RSPH9: variants seen among roughly 807,000 people sequenced by gnomAD.
RSPH9 encodes radial spoke head component 9, also known as radial spoke head protein 9 homolog.
In RSPH9, 27 loss-of-function variants were observed where a neutral mutation model predicts 27.0. The ratio of observed to expected loss-of-function variants is 1.00; its 90% CI spans 0.74 to 1.38. The LOEUF (loss-of-function observed/expected upper bound fraction) is 1.38. RSPH9 is among the 40% of genes most tolerant of loss of function. The pLI is 0.00. For missense variants in RSPH9, 347 were observed against 357.4 expected (o/e 0.97, Z 0.24); for synonymous variants, 145 against 147.7 (o/e 0.98, Z 0.13).
At chr6:43,653,788 A>G (rs9462915) in intron 2 of RSPH9, among the ~76,000 whole-genome samples, 9,239 of 151,994 alleles carry the variant, frequency 0.061, 957 homozygotes, top group African/African-American at 0.21. Context: ...CGCCTCCCGG[A>G]TTCAAGTGAT....
At chr6:43,665,532 G>A (rs1037067740) in intron 4 of RSPH9, among the ~76,000 whole-genome samples, 17 of 152,238 alleles carry the variant, frequency 1.1e-4, no homozygotes, top group African/African-American at 3.6e-4. Context: ...TATGGGAGGT[G>A]TGGCATCTGG....
intron 2 of RSPH9, among the ~76,000 whole-genome samples, chr6:43,654,986 C>T (rs1771857237): frequency 6.6e-6 from 1 of 152,218 alleles, no homozygotes; most frequent in East Asian, 1.9e-4. Context: ...GCCCTCCAGC[C>T]TGGATGATAG....
chr6:43,662,188 A>C (rs2127921741), intron 4 of RSPH9, among the ~76,000 whole-genome samples: 1 of 152,088 alleles, frequency 6.6e-6, no homozygotes, highest in South Asian at 2.1e-4. Flanking sequence ...CAATGAACTA[A>C]CCTTTGTTAG....
chr6:43,661,197 C>A (rs1406501460), intron 4 of RSPH9, among the ~76,000 whole-genome samples: 1 of 152,176 alleles, frequency 6.6e-6, no homozygotes, highest in African/African-American at 2.4e-5. Flanking sequence ...ATCTATAGAG[C>A]ACAGGCAGAG....
chr6:43,655,483 A>G, intron 2 of RSPH9, 79 bp from the exon 3 acceptor site: 1 of 1,542,524 alleles, frequency 6.5e-7, no homozygotes. Flanking sequence ...TGCGGGTGAG[A>G]TGGCCGTGCA....
chr6:43,671,152 GACA>G lies in RSPH9; in HGVS notation c.*206_*208del, dbSNP rs1218157317. 7 of 633,470 alleles carry G rather than the reference GACA, an allele frequency of 1.1e-5. No individual in the cohort carries two copies. Among genetic ancestry groups the G allele is most frequent in the Admixed American group, 2.8e-5 (1 of 35,572 alleles). 39.2% of individuals were successfully genotyped at this position (633,470 alleles called of 1,614,324 possible). A position where few individuals can be genotyped will look rare whatever the true frequency, so the allele number is the denominator to read the frequency against. ...GAATGTGCTAATGAAAGAGATTCTA[GACA>G]ACGATGGGTGGAAATGGCTGTGGGA... On this transcript the variant is annotated 3_prime_UTR_variant, in exon 5 of 5. Transcript: ENST00000372163.
chr6:43,651,988 A>C (rs1262426212), intron 2 of RSPH9, among the ~76,000 whole-genome samples: 2 of 152,046 alleles, frequency 1.3e-5, no homozygotes, highest in Non-Finnish European at 2.9e-5. Flanking sequence ...GGGCCCCAGC[A>C]TCAGGTATCT....
chr6:43,671,080 C>A lies in RSPH9; in HGVS notation c.*131C>A. On this transcript the variant is annotated 3_prime_UTR_variant, in exon 5 of 5. Transcript: ENST00000372163. The stretch of plus-strand genomic sequence containing the variant: ...CGTCTGGTTCCAGATTCTGAAAGGC[C>A]CACTGAGCCAGGGAGCTCATTTCTA... 8.7e-7 allele frequency: 1 copy of A among 1,153,254 alleles called. No homozygotes were observed. The highest frequency in any genetic ancestry group is 1.3e-6 in the Non-Finnish European group (1 of 793,260). The allele number at this position is 1,153,254 out of a possible 1,614,324, so 71.4% of individuals were successfully genotyped here. A position where few individuals can be genotyped will look rare whatever the true frequency, so the allele number is the denominator to read the frequency against.
intron 1 of RSPH9, among the ~76,000 whole-genome samples, chr6:43,646,125 TTTA>T (rs375295386): frequency 7.3e-5 from 11 of 149,928 alleles, no homozygotes; most frequent in Admixed American, 2.0e-4. Context: ...TGGCTATTTA[TTTA>T]TTATTATTAT....
rs200994648 is a variant in RSPH9, at chr6:43,665,822, TC to T, written c.671-4966del. On this transcript the variant is annotated intron_variant, in intron 4 of 4. Transcript: ENST00000372163. ...ACCAGTTTTTCTTTCTTTCTTTCTT[TC>T]TTTTTTTTTTAATTTGACAGGGTCT... Among the ~76,000 whole-genome samples, 9 of 151,650 alleles carry T rather than the reference TC, an allele frequency of 5.9e-5. No individual in the cohort carries two copies. The South Asian group carries it at 8.4e-4, about 14-fold the overall frequency.
At chr6:43,649,456 T>A (rs1373641478) in intron 1 of RSPH9, among the ~76,000 whole-genome samples, 1 of 152,012 alleles carries the variant, frequency 6.6e-6, no homozygotes, top group Admixed American at 6.6e-5. Flanking sequence ...GGAGTACAAG[T>A]GTGAGCCACC....
rs993176468 is a variant in RSPH9 at position 43,659,928 on chromosome 6, G to T, written c.670+3205G>T. On this transcript the variant is annotated intron_variant, in intron 4 of 4. Coordinates refer to ENST00000372163, the MANE Select transcript of RSPH9 (RefSeq NM_152732.5). ...TAAAAATATTTTTAGTAGAGACAGGGTTTCACCAAGTTGTCCAGGCTGCTC... is the reference window on the plus strand; with the variant it reads ...TAAAAATATTTTTAGTAGAGACAGGTTTTCACCAAGTTGTCCAGGCTGCTC... Among the ~76,000 whole-genome samples the T allele has an allele frequency of 2.6e-5, 4 of 151,138 alleles. No individual in the cohort carries two copies. In the East Asian group the frequency reaches 7.8e-4, roughly 30 times the overall value.
Position 43,652,730 on chromosome 6 carries a change from GTT to G in RSPH9, c.393+2206_393+2207del, listed in dbSNP as rs60114676. The stretch of plus-strand genomic sequence containing the variant: ...CGTGAGCCACCATGCCCAACTTCCG[GTT>G]TTTTTTTTTTTTTTTCACCATTGTG... On this transcript the variant is annotated intron_variant, in intron 2 of 4. Coordinates refer to ENST00000372163, the MANE Select transcript of RSPH9 (RefSeq NM_152732.5). Among the ~76,000 whole-genome samples the G allele has an allele frequency of 7.3e-3, 920 of 126,768 alleles. 3 individuals carry two copies. Among genetic ancestry groups the G allele is most frequent in the Non-Finnish European group, 0.011 (676 of 62,536 alleles). 83.2% of individuals were successfully genotyped at this position (126,768 alleles called of 152,430 possible).
At position 43,670,785 on chromosome 6, in the gene RSPH9, T is replaced by G. The variant is rs548178595; in HGVS notation, c.671-4T>G. On this transcript the variant is annotated splice_polypyrimidine_tract_variant and splice_region_variant and intron_variant, in intron 4 of 4. Transcript: ENST00000372163. The stretch of plus-strand genomic sequence containing the variant: ...GGCCTCACCTCCTGCCTGTCTTATC[T>G]CAGGGTCCTGGAGCATCCAGATGGA... The G allele has an allele frequency of 3.7e-6, 6 of 1,613,988 alleles. No homozygotes were observed. The highest frequency in any genetic ancestry group is 4.2e-6 in the Non-Finnish European group (5 of 1,179,908).
rs1301059409 is a variant in RSPH9 at position 43,671,960 on chromosome 6, G to A, written c.*1011G>A. 11 of 1,511,930 alleles carry A rather than the reference G, an allele frequency of 7.3e-6. No individual in the cohort carries two copies. The highest frequency in any genetic ancestry group is 4.8e-5 in the East Asian group (2 of 41,576). The allele number at this position is 1,511,930 out of a possible 1,614,324, so 93.7% of individuals were successfully genotyped here. Reference sequence around the variant, plus strand: ...TGAGGGCTGGGGGCCCAAGCTGGACGTGGGAGAGTGGAGCACTACCTCCTC... The same window carrying A: ...TGAGGGCTGGGGGCCCAAGCTGGACATGGGAGAGTGGAGCACTACCTCCTC... On this transcript the variant is annotated 3_prime_UTR_variant, in exon 5 of 5. Transcript: ENST00000372163.
chr6:43,660,032 G>T (rs1430352222), intron 4 of RSPH9, among the ~76,000 whole-genome samples: 1 of 143,176 alleles, frequency 7.0e-6, no homozygotes, highest in Non-Finnish European at 1.5e-5. Context: ...ACCATGCCCA[G>T]CCTGGCCTTT....
chr6:43,645,473 C>T (rs1770755528), intron 1 of RSPH9, 148 bp downstream of exon 1: 2 of 703,502 alleles, frequency 2.8e-6, no homozygotes, highest in South Asian at 1.7e-5. Context: ...GGGGGAGACC[C>T]TGGGGGGCGG....
chr6:43,659,382 C>T (rs1349431422), intron 4 of RSPH9, among the ~76,000 whole-genome samples: 1 of 151,818 alleles, frequency 6.6e-6, no homozygotes, highest in African/African-American at 2.4e-5. Context: ...GCCACCATGC[C>T]CGGCTTTTTT....
intron 2 of RSPH9, among the ~76,000 whole-genome samples, chr6:43,654,033 T>C (rs1771764717): frequency 6.6e-5 from 10 of 152,220 alleles, no homozygotes; most frequent in Admixed American, 6.5e-4. Context: ...AAAATTGAGA[T>C]AATTGTATTT....
Sources: gnomAD v4.1 joint callset for allele counts (sites outside exome capture counted in the v4.1 genomes callset) on GRCh38, gnomAD v4.1.1 for gene constraint, MANE v1.5 for transcripts, NCBI Gene and HGNC (gene_info 2026-07-23, HGNC 2026-07-21) for gene names.